Variants in CTNNA2 observed in about 807,000 individuals in gnomAD.
The protein encoded by CTNNA2 is catenin alpha 2.
A neutral mutation model predicts 101.0 loss-of-function variants in CTNNA2; 42 were observed. That is an observed-to-expected ratio of 0.42 (90% confidence interval 0.32 to 0.54). The LOEUF is 0.54. CTNNA2 is among the 20% of genes least tolerant of loss of function. The pLI is 0.14. For synonymous variants in CTNNA2, 450 were observed against 456.4 expected (o/e 0.99, Z 0.18); for missense variants, 871 against 1,223.1 (o/e 0.71, Z 4.29).
chr2:80,365,583 A>AC lies in CTNNA2; in HGVS notation c.1057-27628_1057-27627insC, dbSNP rs201310071. On this transcript the variant is annotated intron_variant, in intron 7 of 18. Transcript: ENST00000402739. ...TTTGTGTTTTTTGGAAAAAAAAAAA[A>AC]AACAACAACAACTCTATTATGGTCT... 1.1e-3 allele frequency among the ~76,000 whole-genome samples: 165 copies of AC among 148,942 alleles called. 1 individual carries two copies. In the East Asian group the frequency reaches 0.014, roughly 13 times the overall value.
intron 7 of CTNNA2, among the ~76,000 whole-genome samples, chr2:80,292,309 A>T (rs1192605904): frequency 6.6e-6 from 1 of 152,142 alleles, no homozygotes; most frequent in Non-Finnish European, 1.5e-5. Context: ...GGAACTGAGG[A>T]TCAGAAAGGT....
intron 2 of CTNNA2, among the ~76,000 whole-genome samples, chr2:79,743,697 C>G (rs145552573): frequency 0.046 from 6,938 of 151,948 alleles, 510 homozygotes; most frequent in African/African-American, 0.16. Context: ...CCAGGCCCAG[C>G]TAATTTTTGT....
intron 3 of CTNNA2, among the ~76,000 whole-genome samples, chr2:79,823,770 G>A (rs918471251): frequency 5.3e-5 from 8 of 151,990 alleles, no homozygotes; most frequent in African/African-American, 9.7e-5. Flanking sequence ...AGAAAATGAC[G>A]TTAAAAAATA....
intron 3 of CTNNA2, among the ~76,000 whole-genome samples, chr2:79,771,647 G>A (rs111849154): frequency 0.11 from 16,863 of 152,106 alleles, 1,078 homozygotes; most frequent in Admixed American, 0.17. Context: ...TCTCCTATGA[G>A]AATCAAATGC....
chr2:80,293,304 A>G (rs1217575766), intron 7 of CTNNA2, among the ~76,000 whole-genome samples: 1 of 152,218 alleles, frequency 6.6e-6, no homozygotes, highest in Non-Finnish European at 1.5e-5. Context: ...TCTCACTTAT[A>G]CTGAAGGCTG....
chr2:80,128,890 C>T lies in CTNNA2; in HGVS notation c.1056+219093C>T, dbSNP rs537202932. On this transcript the variant is annotated intron_variant, in intron 7 of 18. Transcript: ENST00000402739. ...AAAGTCCATTCACACACTACCTTAACATTATGCTTTGCTCCTGGATATTGC... is the reference window on the plus strand; with the variant it reads ...AAAGTCCATTCACACACTACCTTAATATTATGCTTTGCTCCTGGATATTGC... Among the ~76,000 whole-genome samples, 6 of 152,260 alleles carry T rather than the reference C, an allele frequency of 3.9e-5. No individual in the cohort carries two copies. The East Asian group carries it at 1.2e-3, about 29-fold the overall frequency.
intron 7 of CTNNA2, among the ~76,000 whole-genome samples, chr2:79,999,072 T>TAA (rs57938469): frequency 7.6e-5 from 11 of 144,380 alleles, no homozygotes; most frequent in African/African-American, 2.8e-4. Context: ...AATTCCATAT[T>TAA]AAAAAAAAAA....
At position 80,535,355 on chromosome 2, in the gene CTNNA2, T is replaced by C. The variant is rs1690915934; in HGVS notation, c.1291-9627T>C. Reference sequence around the variant, plus strand: ...GATTGGATAATGTCATTCAAATATATTTTCACTTTTATAGTGACCTTTCAA... The same window carrying C: ...GATTGGATAATGTCATTCAAATATACTTTCACTTTTATAGTGACCTTTCAA... On this transcript the variant is annotated intron_variant, in intron 9 of 18. Transcript: ENST00000402739. Among the ~76,000 whole-genome samples, 3 of 152,200 alleles carry C rather than the reference T, an allele frequency of 2.0e-5. No homozygotes were observed. The South Asian group carries it at 6.2e-4, about 31-fold the overall frequency.
intron 18 of CTNNA2, among the ~76,000 whole-genome samples, chr2:80,623,076 A>G (rs1010645960): frequency 8.7e-5 from 13 of 150,196 alleles, no homozygotes; most frequent in Middle Eastern, 3.5e-3. Flanking sequence ...AAGTTCAAGC[A>G]GAAGTTAGAT....
chr2:80,163,089 G>C, intron 7 of CTNNA2: 1 of 1,579,648 alleles, frequency 6.3e-7, no homozygotes, highest in Non-Finnish European at 8.7e-7. Flanking sequence ...ATTCACAAAC[G>C]CAAACTGCTT....
At chr2:80,647,229 C>A (rs1014935683) in intron 18 of CTNNA2, among the ~76,000 whole-genome samples, 4 of 152,060 alleles carry the variant, frequency 2.6e-5, no homozygotes, top group Non-Finnish European at 4.4e-5. Flanking sequence ...ACTTCCATTT[C>A]TTGGGCCATA....
At chr2:80,179,097 G>GCA in intron 7 of CTNNA2, among the ~76,000 whole-genome samples, 1 of 152,214 alleles carries the variant, frequency 6.6e-6, no homozygotes, top group Non-Finnish European at 1.5e-5. Flanking sequence ...TGCTGGTCTT[G>GCA]ACAGCTGAAG....
At chr2:80,205,639 T>C (rs1707486877) in intron 7 of CTNNA2, among the ~76,000 whole-genome samples, 2 of 152,202 alleles carry the variant, frequency 1.3e-5, no homozygotes, top group Non-Finnish European at 2.9e-5. Flanking sequence ...GAGGTTGATA[T>C]TGGATGCTCA....
chr2:79,894,050 CTT>C (rs1558619621), intron 6 of CTNNA2, among the ~76,000 whole-genome samples: 2,304 of 123,204 alleles, frequency 0.019, 22 homozygotes, highest in African/African-American at 0.03. Context: ...TCTTCTTCTT[CTT>C]CTTCTTCTTC....
chr2:80,528,637 A>C (rs985272226), intron 9 of CTNNA2, among the ~76,000 whole-genome samples: 1 of 152,134 alleles, frequency 6.6e-6, no homozygotes, highest in Non-Finnish European at 1.5e-5. Flanking sequence ...ATGATCATGA[A>C]TCTCATGGGT....
intron 3 of CTNNA2, among the ~76,000 whole-genome samples, chr2:79,812,149 G>C (rs59512888): frequency 0.19 from 28,225 of 152,052 alleles, 3,162 homozygotes; most frequent in African/African-American, 0.32. Flanking sequence ...TAGATTCTTT[G>C]AGATTTTTCT....
At chr2:80,512,683 T>G (rs1688801379) in intron 9 of CTNNA2, among the ~76,000 whole-genome samples, 5 of 151,870 alleles carry the variant, frequency 3.3e-5, no homozygotes, top group Admixed American at 3.3e-4. Context: ...AATTCTTTTT[T>G]TTTGTTTGTT....
intron 2 of CTNNA2, among the ~76,000 whole-genome samples, chr2:79,255,384 AG>A (rs1480499272): frequency 6.6e-6 from 1 of 152,208 alleles, no homozygotes; most frequent in Admixed American, 6.5e-5. Context: ...AAATTTACTA[AG>A]TAGAAGGTAA....
chr2:79,940,627 C>T (rs1420742844), intron 7 of CTNNA2, among the ~76,000 whole-genome samples: 1 of 152,184 alleles, frequency 6.6e-6, no homozygotes, highest in African/African-American at 2.4e-5. Context: ...AGCAACCTCT[C>T]TTTCTGATGT....
Sources: gnomAD v4.1 joint callset for allele counts (sites outside exome capture counted in the v4.1 genomes callset) on GRCh38, gnomAD v4.1.1 for gene constraint, MANE v1.5 for transcripts, NCBI Gene and HGNC (gene_info 2026-07-23, HGNC 2026-07-21) for gene names.